NTN5: variants seen among roughly 807,000 people sequenced by gnomAD.
NTN5 encodes netrin-5.
In NTN5, 42 loss-of-function variants were observed where a neutral mutation model predicts 38.7. The ratio of observed to expected loss-of-function variants is 1.08; its 90% CI spans 0.85 to 1.40. The LOEUF is 1.40. Among genes scored for constraint, NTN5 ranks in the 40% most tolerant of loss-of-function variants. The pLI is 0.00. For synonymous variants in NTN5, 329 were observed against 303.9 expected, an observed-to-expected ratio of 1.08 and a Z score of -0.86; for missense variants, 658 against 716.5, an observed-to-expected ratio of 0.92 and a Z score of 0.93.
intron 2 of NTN5, among the ~76,000 whole-genome samples, chr19:48,665,847 T>A (rs962134951): frequency 2.0e-5 from 3 of 151,930 alleles, no homozygotes; most frequent in African/African-American, 4.8e-5. Flanking sequence ...AAGAGTGGGC[T>A]ATGGCCTGTG....
At position 48,670,749 on chromosome 19, in the gene NTN5, A is replaced by G; in HGVS notation, c.238T>C (p.Leu80=). ...GGGGGTCCTGGGGTACAGAAGCGCAAGCTGACAGATGTCAGGAGGAAGGGG... is the reference window on the plus strand; with the variant it reads ...GGGGGTCCTGGGGTACAGAAGCGCAGGCTGACAGATGTCAGGAGGAAGGGG... ...GGPFLLTSVS[L]RFCTPGPPAL... Residue 80 remains leucine, a synonymous_variant, in exon 2 of 7, where the codon TTG becomes CTG. Coordinates refer to ENST00000270235, the MANE Select transcript of NTN5 (RefSeq NM_145807.4). The G allele has an allele frequency of 6.2e-7, 1 of 1,612,954 alleles. No individual in the cohort carries two copies. The highest frequency in any genetic ancestry group is 8.5e-7 in the Non-Finnish European group (1 of 1,179,908).
rs754507928 is a variant in NTN5, at chr19:48,670,733, G to C, written c.254C>G (p.Pro85Arg). 3.7e-6 allele frequency: 6 copies of C among 1,612,930 alleles called. No individual in the cohort carries two copies. The South Asian group carries it at 6.6e-5, about 18-fold the overall frequency. ...AGACAGGATGAGGGCTGGGGGTCCT[G>C]GGGTACAGAAGCGCAAGCTGACAGA... ...LTSVSLRFCT[P>R]GPPALILSAA... Residue 85 changes from proline (P) to arginine (R), a missense_variant, in exon 2 of 7, where the codon CCA (proline) becomes CGA (arginine). By Grantham distance (103) the Pro-to-Arg change is moderately radical. Transcript: ENST00000270235.
rs549190722 is a variant in NTN5, at chr19:48,664,426, C to T, written c.821-134G>A. On this transcript the variant is annotated intron_variant, in intron 3 of 6. Transcript: ENST00000270235. ...CTTCCCTCAGACCCAGGAGTCCAGG[C>T]CCCCAGCCCCTCCTCCCTCAGGCCC... 3.8e-6 allele frequency: 5 copies of T among 1,322,392 alleles called. No homozygotes were observed. In the East Asian group the frequency reaches 1.0e-4, roughly 27 times the overall value. The allele number at this position is 1,322,392 out of a possible 1,614,324, so 81.9% of individuals were successfully genotyped here.
chr19:48,665,998 G>GTGCA (rs935099337), intron 2 of NTN5, among the ~76,000 whole-genome samples: 4 of 152,206 alleles, frequency 2.6e-5, no homozygotes, highest in African/African-American at 9.7e-5. Context: ...TGGATAAAAA[G>GTGCA]TGCATAGCCC....
At chr19:48,664,788 G>T (rs2031654731) in intron 2 of NTN5, 21 bp from the exon 3 acceptor site, 7 of 1,507,912 alleles carry the variant, frequency 4.6e-6, no homozygotes, top group Non-Finnish European at 6.2e-6. Context: ...AATGGGGTGG[G>T]GGCGCATCAG....
chr19:48,661,876 T>G lies in NTN5; in HGVS notation c.1271A>C (p.Gln424Pro), dbSNP rs760927020. The change falls in exon 7 of 7, where the codon CAG (glutamine) becomes CCG (proline). Residue 424 changes from glutamine (Q) to proline (P), a missense_variant. By Grantham distance (76) the Gln-to-Pro change is moderately conservative. Transcript: ENST00000270235. The part of the protein sequence containing the change: ...ADLTCGCLRL[Q>P]PGTDYLLLGS... ...CAGCAGCAGGTAGTCGGTGCCTGGC[T>G]GCAGGCGCAGGCAGCCGCAGGTCAG... The G allele has an allele frequency of 7.4e-7, 1 of 1,345,882 alleles. No homozygotes were observed. The highest frequency in any genetic ancestry group is 9.5e-7 in the Non-Finnish European group (1 of 1,051,400). The allele number at this position is 1,345,882 out of a possible 1,614,324, so 83.4% of individuals were successfully genotyped here.
At position 48,670,208 on chromosome 19, in the gene NTN5, G is replaced by A; in HGVS notation, c.631+148C>T. On this transcript the variant is annotated intron_variant, in intron 2 of 6. Transcript: ENST00000270235. ...GAGATACAGGACTGGCTGCAGGGAGGAGGTATGAGGGGACCGAGTCTGAGA... is the reference window on the plus strand; with the variant it reads ...GAGATACAGGACTGGCTGCAGGGAGAAGGTATGAGGGGACCGAGTCTGAGA... 4.0e-6 allele frequency: 3 copies of A among 749,868 alleles called. No individual in the cohort carries two copies. In the South Asian group the frequency reaches 1.0e-4, roughly 26 times the overall value. The allele number at this position is 749,868 out of a possible 1,614,324, so 46.5% of individuals were successfully genotyped here.
intron 2 of NTN5, among the ~76,000 whole-genome samples, chr19:48,665,972 C>G (rs965303917): frequency 7.2e-5 from 11 of 152,122 alleles, no homozygotes; most frequent in African/African-American, 2.7e-4. Flanking sequence ...TTACTTGAGG[C>G]TTAAATGAGA....
rs2031999841 is a variant in NTN5, at chr19:48,672,948, A to G, written c.-37T>C. On this transcript the variant is annotated 5_prime_UTR_variant, in exon 1 of 7. Transcript: ENST00000270235. ...TGGCCAAACCTGCACTCAAGAAGAGAGCGTCCTGCAGCCAGTTCCCCGCAG... is the reference window on the plus strand; with the variant it reads ...TGGCCAAACCTGCACTCAAGAAGAGGGCGTCCTGCAGCCAGTTCCCCGCAG... The G allele has an allele frequency of 6.9e-6, 2 of 289,610 alleles. No homozygotes were observed. Among genetic ancestry groups the G allele is most frequent in the Admixed American group, 4.3e-5 (1 of 23,502 alleles). The allele number at this position is 289,610 out of a possible 1,614,324, so 17.9% of individuals were successfully genotyped here.
At chr19:48,664,827 G>A (rs2031656214) in intron 2 of NTN5, 60 bp from the exon 3 acceptor site, 2 of 1,402,976 alleles carry the variant, frequency 1.4e-6, no homozygotes, top group Non-Finnish European at 1.9e-6. Context: ...CCAGTCCTCA[G>A]CTTTCTTCCC....
chr19:48,672,429 C>T (rs115542541), intron 1 of NTN5, among the ~76,000 whole-genome samples: 6,131 of 152,210 alleles, frequency 0.04, 403 homozygotes, highest in African/African-American at 0.14. Context: ...GGCACCCTGG[C>T]GGTTGAGGTG....
chr19:48,666,623 T>A (rs1021953381), intron 2 of NTN5, among the ~76,000 whole-genome samples: 5 of 151,762 alleles, frequency 3.3e-5, no homozygotes, highest in Admixed American at 6.6e-5. Context: ...AGGATCTGTA[T>A]TTCCAGCAAG....
In NTN5 at chr19:48,662,148, C is replaced by T. The variant is rs1422398072; in HGVS notation, c.1106-107G>A. On this transcript the variant is annotated intron_variant, in intron 6 of 6. Coordinates refer to ENST00000270235, the MANE Select transcript of NTN5 (RefSeq NM_145807.4). Reference sequence around the variant, plus strand: ...CAGGAGCCCGAGACCGGTGGGTGGGCTTCTGGTATCGCAGTGGGGAGAGAA... The same window carrying T: ...CAGGAGCCCGAGACCGGTGGGTGGGTTTCTGGTATCGCAGTGGGGAGAGAA... 4 of 1,184,492 alleles carry T rather than the reference C, an allele frequency of 3.4e-6. No homozygotes were observed. The South Asian group carries it at 7.9e-5, about 23-fold the overall frequency. 73.4% of individuals were successfully genotyped at this position (1,184,492 alleles called of 1,614,324 possible). A position where few individuals can be genotyped will look rare whatever the true frequency, so the allele number is the denominator to read the frequency against.
chr19:48,669,855 C>T (rs1601213517), intron 2 of NTN5, among the ~76,000 whole-genome samples: 4 of 108,614 alleles, frequency 3.7e-5, no homozygotes, highest in Admixed American at 8.8e-5. Flanking sequence ...ACTACCATCA[C>T]CACCACCATC....
chr19:48,667,875 T>G, intron 2 of NTN5, among the ~76,000 whole-genome samples: 1 of 150,108 alleles, frequency 6.7e-6, no homozygotes, highest in African/African-American at 2.4e-5. Flanking sequence ...AAAAAAGAAA[T>G]AGAGGGCCGG....
intron 6 of NTN5, chr19:48,662,368 C>T (rs960148427): frequency 1.8e-5 from 4 of 220,364 alleles, no homozygotes; most frequent in Non-Finnish European, 2.7e-5. Context: ...GTCACATTGC[C>T]GGGGGAGGGG....
In NTN5 at chr19:48,670,805, C is replaced by T; in HGVS notation, c.182G>A (p.Cys61Tyr). The change falls in exon 2 of 7, where the codon TGC becomes TAC. Residue 61 changes from cysteine to tyrosine, a missense_variant. By Grantham distance (194) the Cys-to-Tyr change is radical. Transcript: ENST00000270235. ...PGNHLGARET[C>Y]NGSLTLALGG... is the part of the protein sequence containing the mutation. ...CAGGGCCAAAGTCAGGCTGCCATTG[C>T]AGGTTTCCCTGGCGCCAAGGTGGTT... 6.2e-7 allele frequency: 1 copy of T among 1,613,140 alleles called. No individual in the cohort carries two copies. Among genetic ancestry groups the T allele is most frequent in the Non-Finnish European group, 8.5e-7 (1 of 1,179,966 alleles).
chr19:48,663,384 G>T, intron 6 of NTN5, 79 bp downstream of exon 6: 1 of 1,214,492 alleles, frequency 8.2e-7, no homozygotes, highest in Non-Finnish European at 1.2e-6. Context: ...GAAAGTGGAA[G>T]GCCAGAAAGG....
At chr19:48,671,628 G>T (rs1260711863) in intron 1 of NTN5, among the ~76,000 whole-genome samples, 4 of 151,966 alleles carry the variant, frequency 2.6e-5, no homozygotes, top group Non-Finnish European at 4.4e-5. Flanking sequence ...ACCCAGCCTG[G>T]CAGGCCCTGG....
Sources: allele counts gnomAD v4.1 joint callset (sites outside exome capture counted in the v4.1 genomes callset), GRCh38; gene constraint gnomAD v4.1.1; transcripts MANE v1.5; gene names NCBI Gene and HGNC (gene_info 2026-07-23, HGNC 2026-07-21).